KALRN: variants seen among roughly 807,000 people sequenced by gnomAD.
The protein encoded by KALRN is kalirin.
KALRN carries 70 observed loss-of-function variants against 353.7 expected under a neutral mutation model. The ratio of observed to expected loss-of-function variants is 0.20; its 90% CI spans 0.16 to 0.24. The LOEUF (loss-of-function observed/expected upper bound fraction) is 0.24. KALRN is among the 10% of genes least tolerant of loss of function. The pLI, the probability that KALRN is intolerant of heterozygous loss-of-function variation, is 1.00. For missense variants in KALRN, 2,791 were observed against 3,756.7 expected, an observed-to-expected ratio of 0.74 and a Z score of 6.72; for synonymous variants, 1,391 against 1,434.8, an observed-to-expected ratio of 0.97 and a Z score of 0.69.
chr3:124,256,227 G>A (rs1203886704), intron 3 of KALRN, among the ~76,000 whole-genome samples: 1 of 152,188 alleles, frequency 6.6e-6, no homozygotes, highest in Non-Finnish European at 1.5e-5. Context: ...TGTAATGTAG[G>A]ACAAAGCTTG....
chr3:124,088,742 A>T (rs528272163), intron 1 of KALRN, among the ~76,000 whole-genome samples: 2 of 152,372 alleles, frequency 1.3e-5, no homozygotes, highest in South Asian at 4.1e-4. Flanking sequence ...GAAGGCTTGC[A>T]AATTAATGGT....
Position 124,496,395 on chromosome 3 carries a change from C to T in KALRN, c.4917C>T (p.Asn1639=). The change falls in exon 33 of 60, where the codon AAC becomes AAT. Residue 1639 remains asparagine, a synonymous_variant. Coordinates refer to ENST00000682506, the MANE Select transcript of KALRN (RefSeq NM_001388419.1). Reference sequence around the variant, plus strand: ...CCATTGCTTCTAGGACCTCTCAGAACACAGTGGACAGTGACAAGGTAGGAC... The same window carrying T: ...CCATTGCTTCTAGGACCTCTCAGAATACAGTGGACAGTGACAAGGTAGGAC... ...TISIASRTSQ[N]TVDSDKLSGG... is the part of the protein sequence containing the mutation. The T allele has an allele frequency of 6.2e-7, 1 of 1,612,994 alleles. No individual in the cohort carries two copies. Among genetic ancestry groups the T allele is most frequent in the Non-Finnish European group, 8.5e-7 (1 of 1,179,240 alleles).
At chr3:124,603,295 T>C (rs6438850) in intron 34 of KALRN, among the ~76,000 whole-genome samples, 1 of 152,002 alleles carries the variant, frequency 6.6e-6, no homozygotes, top group African/African-American at 2.4e-5. Context: ...GTTTCTAGTC[T>C]TCAAAGCCCT....
Position 124,347,089 on chromosome 3 carries a change from CAT to C in KALRN, c.1648-53_1648-52del, listed in dbSNP as rs1437977092. Reference sequence around the variant, plus strand: ...ACTCTAGCAGTTGCACATGTTGTCACATGTCTTTCCTTCTGCTAGAAAGTCAT... The same window carrying C: ...ACTCTAGCAGTTGCACATGTTGTCACGTCTTTCCTTCTGCTAGAAAGTCAT... On this transcript the variant is annotated intron_variant, in intron 9 of 59. Transcript: ENST00000682506. 4 of 1,611,262 alleles carry C rather than the reference CAT, an allele frequency of 2.5e-6. No homozygotes were observed. In the African/African-American group the frequency reaches 5.3e-5, roughly 22 times the overall value.
intron 6 of KALRN, among the ~76,000 whole-genome samples, 156 bp downstream of exon 6, chr3:124,299,069 A>G (rs1022647057): frequency 1.3e-5 from 2 of 152,234 alleles, no homozygotes; most frequent in Non-Finnish European, 2.9e-5. Flanking sequence ...AGTGCAGGGC[A>G]TGTGGCCAGC....
intron 1 of KALRN, among the ~76,000 whole-genome samples, chr3:124,212,462 A>G (rs2076982879): frequency 6.6e-6 from 1 of 152,144 alleles, no homozygotes; most frequent in Non-Finnish European, 1.5e-5. Flanking sequence ...ACAAATTGTA[A>G]TGGCTGATTT....
chr3:124,283,300 A>G (rs1329247055), intron 5 of KALRN, among the ~76,000 whole-genome samples: 4 of 152,216 alleles, frequency 2.6e-5, no homozygotes, highest in African/African-American at 7.2e-5. Flanking sequence ...ATCTCAGTTT[A>G]TGTCTAAATT....
chr3:124,048,377 T>G (rs966234504), intron 1 of KALRN, among the ~76,000 whole-genome samples: 4 of 152,238 alleles, frequency 2.6e-5, no homozygotes, highest in Non-Finnish European at 4.4e-5. Context: ...TGGATAGCTT[T>G]TTTTCATTTA....
intron 4 of KALRN, among the ~76,000 whole-genome samples, chr3:124,267,480 A>G (rs1305575937): frequency 6.6e-6 from 1 of 152,232 alleles, no homozygotes; most frequent in African/African-American, 2.4e-5. Context: ...CTACTTGCAC[A>G]TTAGAATCAT....
chr3:124,661,171 C>A (rs2084829602), intron 44 of KALRN, among the ~76,000 whole-genome samples, 198 bp downstream of exon 44: 1 of 152,156 alleles, frequency 6.6e-6, no homozygotes, highest in South Asian at 2.1e-4. Flanking sequence ...CTAAAGAAAT[C>A]TGTCCTGGGG....
chr3:124,264,244 C>A (rs1259132939), intron 3 of KALRN, among the ~76,000 whole-genome samples: 2 of 152,084 alleles, frequency 1.3e-5, no homozygotes, highest in African/African-American at 2.4e-5. Flanking sequence ...GGATACTCAA[C>A]CTGCGTAAGA....
intron 13 of KALRN, among the ~76,000 whole-genome samples, chr3:124,408,018 C>A (rs2091764653): frequency 6.6e-6 from 1 of 152,142 alleles, no homozygotes; most frequent in Non-Finnish European, 1.5e-5. Context: ...CGTGATCCGC[C>A]CGCCTCAGCC....
chr3:124,442,638 T>C (rs1217940385), intron 19 of KALRN, among the ~76,000 whole-genome samples: 2 of 152,158 alleles, frequency 1.3e-5, no homozygotes, highest in African/African-American at 4.8e-5. Flanking sequence ...CCTCAAATTG[T>C]AGTTCCCAGA....
At chr3:124,189,123 C>T (rs922777145) in intron 1 of KALRN, among the ~76,000 whole-genome samples, 3 of 152,178 alleles carry the variant, frequency 2.0e-5, no homozygotes, top group Admixed American at 2.0e-4. Context: ...TAATCTGGAA[C>T]AAAAGCTATC....
At chr3:124,507,898 A>G (rs2065413874) in intron 33 of KALRN, among the ~76,000 whole-genome samples, 1 of 152,206 alleles carries the variant, frequency 6.6e-6, no homozygotes, top group Non-Finnish European at 1.5e-5. Flanking sequence ...AGACTTTTAC[A>G]TCAGAAGTGA....
At chr3:124,113,224 T>A (rs1045185119) in intron 1 of KALRN, among the ~76,000 whole-genome samples, 1 of 152,218 alleles carries the variant, frequency 6.6e-6, no homozygotes, top group Non-Finnish European at 1.5e-5. Flanking sequence ...GGTTTCCTCA[T>A]CTGTAAGATG....
chr3:124,159,129 A>G (rs962975872), intron 1 of KALRN, among the ~76,000 whole-genome samples: 1 of 152,010 alleles, frequency 6.6e-6, no homozygotes, highest in African/African-American at 2.4e-5. Flanking sequence ...TTGTACCTCT[A>G]TGCCTTTCCC....
intron 1 of KALRN, among the ~76,000 whole-genome samples, chr3:124,074,684 A>G (rs1191734113): frequency 1.3e-5 from 2 of 152,196 alleles, no homozygotes; most frequent in African/African-American, 2.4e-5. Context: ...TCCTGCCTGG[A>G]AAAGTGTAGC....
chr3:124,456,440 A>G (rs1363856728), intron 22 of KALRN, among the ~76,000 whole-genome samples, 170 bp from the exon 23 acceptor site: 1 of 152,202 alleles, frequency 6.6e-6, no homozygotes, highest in Non-Finnish European at 1.5e-5. Flanking sequence ...TGAAAAAACA[A>G]TAATGATACC....
Sources: gnomAD v4.1 joint callset for allele counts (sites outside exome capture counted in the v4.1 genomes callset) on GRCh38, gnomAD v4.1.1 for gene constraint, MANE v1.5 for transcripts, NCBI Gene and HGNC (gene_info 2026-07-23, HGNC 2026-07-21) for gene names.